The following TLK1 variants were observed in gnomAD, a reference collection of about 807,000 sequenced individuals.
TLK1 encodes serine/threonine-protein kinase tousled-like 1.
A neutral mutation model predicts 105.3 loss-of-function variants in TLK1; 24 were observed. The observed-to-expected ratio is 0.23, with a 90% CI of 0.17 to 0.32. The LOEUF is 0.32. Ranked by LOEUF, TLK1 falls within the 10% of genes least tolerant of loss-of-function variation. The probability of loss-of-function intolerance (pLI) is 1.00; values close to 1 mark genes in which losing one functional copy is unlikely to be tolerated. For synonymous variants in TLK1, 321 were observed against 310.4 expected, an observed-to-expected ratio of 1.03 and a Z score of -0.36; for missense variants, 558 against 910.5, an observed-to-expected ratio of 0.61 and a Z score of 4.98.
chr2:171,031,570 T>G (rs1355689095), intron 11 of TLK1, among the ~76,000 whole-genome samples: 1 of 152,184 alleles, frequency 6.6e-6, no homozygotes, highest in Non-Finnish European at 1.5e-5. Context: ...ATTAATATTT[T>G]TATTACACAA....
intron 1 of TLK1, among the ~76,000 whole-genome samples, chr2:171,139,188 T>C (rs1691467438): frequency 6.6e-6 from 1 of 152,204 alleles, no homozygotes; most frequent in South Asian, 2.1e-4. Flanking sequence ...ATATTATATA[T>C]AATGTTATTT....
chr2:171,154,142 G>C (rs1325078254), intron 1 of TLK1, among the ~76,000 whole-genome samples: 1 of 151,508 alleles, frequency 6.6e-6, no homozygotes, highest in East Asian at 1.9e-4. Flanking sequence ...TCTTGCCTTG[G>C]TCTCCCAAAG....
At chr2:171,152,829 T>C (rs1692096105) in intron 1 of TLK1, among the ~76,000 whole-genome samples, 1 of 152,162 alleles carries the variant, frequency 6.6e-6, no homozygotes, top group Admixed American at 6.5e-5. Context: ...ATAAATGGAA[T>C]TACAAATTAG....
intron 18 of TLK1, among the ~76,000 whole-genome samples, chr2:171,005,004 C>T (rs1273694517): frequency 6.6e-6 from 1 of 152,190 alleles, no homozygotes; most frequent in African/African-American, 2.4e-5. Context: ...AAAGTGAAAT[C>T]TATACAGACA....
intron 1 of TLK1, among the ~76,000 whole-genome samples, chr2:171,127,430 C>G (rs566212330): frequency 2.6e-5 from 4 of 152,114 alleles, no homozygotes; most frequent in African/African-American, 9.6e-5. Flanking sequence ...CCATATTTAG[C>G]TATAACTTTT....
At chr2:171,197,750 G>A (rs565557030) in intron 1 of TLK1, among the ~76,000 whole-genome samples, 72 of 151,992 alleles carry the variant, frequency 4.7e-4, no homozygotes, top group African/African-American at 1.7e-3. Flanking sequence ...CTGCACTCCA[G>A]CTGGGGTGAC....
At chr2:171,201,898 CATCTATCTATCT>C (rs3081728) in intron 1 of TLK1, among the ~76,000 whole-genome samples, 278 of 148,290 alleles carry the variant, frequency 1.9e-3, no homozygotes, top group African/African-American at 2.9e-3. Flanking sequence ...TATCAGCTAT[CATCTATCTATCT>C]ATCTATCTAT....
At chr2:171,175,514 A>G (rs1692805032) in intron 1 of TLK1, among the ~76,000 whole-genome samples, 2 of 152,212 alleles carry the variant, frequency 1.3e-5, no homozygotes, top group Admixed American at 1.3e-4. Flanking sequence ...TTGAGTATCC[A>G]TGAATTTTGG....
intron 8 of TLK1, 41 bp from the exon 9 acceptor site, chr2:171,050,215 A>G: frequency 7.2e-7 from 1 of 1,391,410 alleles, no homozygotes; most frequent in Non-Finnish European, 9.9e-7. Context: ...TAGACTGGGG[A>G]ATATGAAAAG....
At chr2:171,105,064 T>C (rs1232888124) in intron 2 of TLK1, among the ~76,000 whole-genome samples, 1 of 152,122 alleles carries the variant, frequency 6.6e-6, no homozygotes, top group African/African-American at 2.4e-5. Flanking sequence ...GAAGAAACCT[T>C]AGAGGAAACA....
At chr2:171,191,408 CTCT>C (rs1693151917) in intron 1 of TLK1, among the ~76,000 whole-genome samples, 1 of 151,440 alleles carries the variant, frequency 6.6e-6, no homozygotes, top group African/African-American at 2.4e-5. Flanking sequence ...CCACCCCCCC[CTCT>C]AAAAAAATGA....
chr2:171,039,384 G>A (rs1298406850), intron 11 of TLK1, among the ~76,000 whole-genome samples: 1 of 152,116 alleles, frequency 6.6e-6, no homozygotes, highest in Non-Finnish European at 1.5e-5. Flanking sequence ...TCCCACCTCA[G>A]CCCCTCAAGT....
chr2:171,114,061 T>G (rs1690300433), intron 2 of TLK1, among the ~76,000 whole-genome samples: 1 of 152,226 alleles, frequency 6.6e-6, no homozygotes, highest in African/African-American at 2.4e-5. Flanking sequence ...GGCCCTTCCA[T>G]AAATCTAAAA....
chr2:171,052,363 C>T (rs1184440804), intron 8 of TLK1, among the ~76,000 whole-genome samples: 1 of 152,130 alleles, frequency 6.6e-6, no homozygotes, highest in Non-Finnish European at 1.5e-5. Context: ...TATGTCTTTC[C>T]TAAACATATA....
intron 1 of TLK1, among the ~76,000 whole-genome samples, chr2:171,176,624 C>T (rs994171504): frequency 1.4e-4 from 21 of 152,274 alleles, no homozygotes; most frequent in Middle Eastern, 3.4e-3. Flanking sequence ...ACCATTGCTC[C>T]TTTTCTTCAT....
intron 2 of TLK1, among the ~76,000 whole-genome samples, chr2:171,104,293 T>A (rs1457296948): frequency 2.2e-4 from 31 of 142,272 alleles, no homozygotes; most frequent in African/African-American, 5.2e-4. Flanking sequence ...AAAAAAAAAA[T>A]TCCATTTACA....
intron 1 of TLK1, among the ~76,000 whole-genome samples, chr2:171,225,657 C>T (rs1693884383): frequency 6.6e-6 from 1 of 151,972 alleles, no homozygotes; most frequent in Non-Finnish European, 1.5e-5. Flanking sequence ...AAAAAAAAAC[C>T]CTAACGTTTA....
At chr2:171,049,242 G>GT (rs765263530) in intron 10 of TLK1, among the ~76,000 whole-genome samples, 33 of 152,040 alleles carry the variant, frequency 2.2e-4, no homozygotes, top group Non-Finnish European at 4.3e-4. Flanking sequence ...ATATACCCCT[G>GT]TAACAACCTG....
intron 1 of TLK1, among the ~76,000 whole-genome samples, chr2:171,145,456 G>C (rs1691754422): frequency 6.6e-6 from 1 of 152,132 alleles, no homozygotes; most frequent in East Asian, 1.9e-4. Flanking sequence ...TGGGCATGGT[G>C]GCGGGCACCT....
Sources: gnomAD v4.1 joint callset for allele counts (sites outside exome capture counted in the v4.1 genomes callset) on GRCh38, gnomAD v4.1.1 for gene constraint, MANE v1.5 for transcripts, NCBI Gene and HGNC (gene_info 2026-07-23, HGNC 2026-07-21) for gene names.